CLYBL: variants seen among roughly 807,000 people sequenced by gnomAD.
CLYBL encodes citramalyl-CoA lyase, mitochondrial.
In CLYBL, 31 loss-of-function variants were observed where a neutral mutation model predicts 38.9. The ratio of observed to expected loss-of-function variants is 0.80; its 90% CI spans 0.60 to 1.08. CLYBL has a LOEUF of 1.08. Ranked by LOEUF, CLYBL falls within the 50% of genes least tolerant of loss-of-function variation. CLYBL has a pLI of 0.00. For synonymous variants in CLYBL, 171 were observed against 158.6 expected (o/e 1.08, Z -0.59); for missense variants, 434 against 411.6 (o/e 1.05, Z -0.47).
At chr13:99,686,488 C>T (rs2047819532) in intron 1 of CLYBL, among the ~76,000 whole-genome samples, 1 of 146,780 alleles carries the variant, frequency 6.8e-6, no homozygotes, top group Admixed American at 7.0e-5. Flanking sequence ...GAGCTGGCCT[C>T]AGACATAAAA....
intron 7 of CLYBL, among the ~76,000 whole-genome samples, chr13:99,886,244 T>C (rs2052346404): frequency 6.6e-6 from 1 of 152,136 alleles, no homozygotes; most frequent in South Asian, 2.1e-4. Context: ...TAGATCAATT[T>C]GTGGTTTCTA....
chr13:99,769,290 C>T (rs1264168503), intron 1 of CLYBL, among the ~76,000 whole-genome samples: 1 of 152,098 alleles, frequency 6.6e-6, no homozygotes, highest in African/African-American at 2.4e-5. Flanking sequence ...CAAGCCTTCC[C>T]CGAGAAGTTG....
chr13:99,607,858 C>T (rs1004893749), intron 1 of CLYBL, among the ~76,000 whole-genome samples: 1 of 152,116 alleles, frequency 6.6e-6, no homozygotes, highest in African/African-American at 2.4e-5. Flanking sequence ...ATTCTCATGC[C>T]TCAGCCTCCT....
chr13:99,827,760 C>T (rs770030604), intron 2 of CLYBL, among the ~76,000 whole-genome samples: 5 of 152,234 alleles, frequency 3.3e-5, no homozygotes, highest in African/African-American at 4.8e-5. Flanking sequence ...GGCTCAGACT[C>T]TCGCTTTGTC....
intron 1 of CLYBL, among the ~76,000 whole-genome samples, chr13:99,660,062 A>G (rs529758495): frequency 3.1e-4 from 47 of 152,310 alleles, no homozygotes; most frequent in African/African-American, 1.1e-3. Context: ...TCTTAGAGAA[A>G]AAGAAACAAA....
rs148976732 is a variant in CLYBL, at chr13:99,755,894, G to A, written c.63-16930G>A. Among the ~76,000 whole-genome samples the A allele has an allele frequency of 1.7e-3, 257 of 152,320 alleles. 1 individual carries two copies. The highest frequency in any genetic ancestry group is 3.4e-3 in the Middle Eastern group (1 of 294). On this transcript the variant is annotated intron_variant, in intron 1 of 8. Transcript: ENST00000339105. ...CCCCACCGAACCGCTGTCAGCATCTGAAGGGCTTTGTCTTGCCCGTGACAA... is the reference window on the plus strand; with the variant it reads ...CCCCACCGAACCGCTGTCAGCATCTAAAGGGCTTTGTCTTGCCCGTGACAA...
At chr13:99,777,265 T>C (rs1003445853) in intron 2 of CLYBL, among the ~76,000 whole-genome samples, 2 of 152,178 alleles carry the variant, frequency 1.3e-5, no homozygotes, top group Non-Finnish European at 2.9e-5. Flanking sequence ...GCAGATATTA[T>C]GATATTTTCA....
intron 1 of CLYBL, among the ~76,000 whole-genome samples, chr13:99,677,667 T>A (rs1056177528): frequency 6.6e-6 from 1 of 152,242 alleles, no homozygotes; most frequent in Non-Finnish European, 1.5e-5. Flanking sequence ...TTAGTTCATG[T>A]CATTCATTGG....
At chr13:99,704,792 C>T (rs897675604) in intron 1 of CLYBL, among the ~76,000 whole-genome samples, 14 of 152,160 alleles carry the variant, frequency 9.2e-5, no homozygotes, top group African/African-American at 1.2e-4. Context: ...ATATTAAATA[C>T]TTTGTTGTCA....
At chr13:99,907,150 C>A (rs1051228790) in intron 9 of CLYBL, among the ~76,000 whole-genome samples, 1 of 152,198 alleles carries the variant, frequency 6.6e-6, no homozygotes, top group East Asian at 1.9e-4. Flanking sequence ...AAGTCAAGTT[C>A]TGATGCATAC....
intron 1 of CLYBL, among the ~76,000 whole-genome samples, chr13:99,738,478 T>A (rs950655567): frequency 1.3e-5 from 2 of 152,110 alleles, no homozygotes; most frequent in African/African-American, 2.4e-5. Context: ...TTTCCCCAGA[T>A]GATGACTTGG....
intron 1 of CLYBL, among the ~76,000 whole-genome samples, chr13:99,631,133 G>A (rs2046937812): frequency 6.6e-6 from 1 of 152,084 alleles, no homozygotes; most frequent in South Asian, 2.1e-4. Flanking sequence ...ACCAGCCTGG[G>A]CAACATGGTG....
Position 99,817,278 on chromosome 13 carries a change from A to G in CLYBL, c.250-41583A>G, listed in dbSNP as rs1487018376. Reference sequence around the variant, plus strand: ...TGTGTATGAGAGAGAGAGAAAGGAGAGGAAAGGAGACGAGAGGAGAGGAGA... The same window carrying G: ...TGTGTATGAGAGAGAGAGAAAGGAGGGGAAAGGAGACGAGAGGAGAGGAGA... On this transcript the variant is annotated intron_variant, in intron 2 of 8. Coordinates refer to ENST00000339105, the MANE Select transcript of CLYBL (RefSeq NM_206808.5). Among the ~76,000 whole-genome samples, 5 of 151,560 alleles carry G rather than the reference A, an allele frequency of 3.3e-5. No homozygotes were observed. In the East Asian group the frequency reaches 9.6e-4, roughly 29 times the overall value.
At chr13:99,823,763 C>T (rs1232791334) in intron 2 of CLYBL, among the ~76,000 whole-genome samples, 1 of 152,160 alleles carries the variant, frequency 6.6e-6, no homozygotes, top group African/African-American at 2.4e-5. Context: ...ATACTGGACT[C>T]TCCAACAGAG....
intron 2 of CLYBL, among the ~76,000 whole-genome samples, chr13:99,810,428 CAGAG>C (rs2050318090): frequency 6.6e-6 from 1 of 152,048 alleles, no homozygotes. Flanking sequence ...GGGAGTGGAG[CAGAG>C]AGAGAGGCTG....
At chr13:99,800,909 A>AAC (rs1555309076) in intron 2 of CLYBL, among the ~76,000 whole-genome samples, 12 of 50,824 alleles carry the variant, frequency 2.4e-4, no homozygotes, top group African/African-American at 9.2e-4. Flanking sequence ...AAAAAAAACA[A>AAC]AAAAAAAAAA....
downstream of CLYBL, among the ~76,000 whole-genome samples, chr13:99,898,988 A>C (rs2052612928): frequency 6.6e-6 from 1 of 152,160 alleles, no homozygotes; most frequent in African/African-American, 2.4e-5. Context: ...TCAGGACCTG[A>C]GTCTCCCTCC....
At chr13:99,721,014 G>A (rs1372129124) in intron 1 of CLYBL, among the ~76,000 whole-genome samples, 3 of 148,426 alleles carry the variant, frequency 2.0e-5, no homozygotes, top group Non-Finnish European at 4.5e-5. Flanking sequence ...TGATTTCCCC[G>A]CATCCATTCT....
intron 2 of CLYBL, among the ~76,000 whole-genome samples, chr13:99,855,740 C>T (rs748041824): frequency 2.0e-5 from 3 of 151,848 alleles, no homozygotes; most frequent in Admixed American, 6.6e-5. Flanking sequence ...ATGGCATGGG[C>T]GTGTTTGCTA....
Sources: gnomAD v4.1 joint callset for allele counts (sites outside exome capture counted in the v4.1 genomes callset) on GRCh38, gnomAD v4.1.1 for gene constraint, MANE v1.5 for transcripts, NCBI Gene and HGNC (gene_info 2026-07-23, HGNC 2026-07-21) for gene names.